TFPI: variants seen among roughly 807,000 people sequenced by gnomAD.
The protein encoded by TFPI is tissue factor pathway inhibitor.
Under a neutral mutation model 34.6 loss-of-function variants are expected in TFPI, and 15 were observed. That is an observed-to-expected ratio of 0.43 (90% CI 0.29 to 0.67). The LOEUF (loss-of-function observed/expected upper bound fraction) is 0.67, where lower values mean the gene tolerates loss of function less well. Ranked by LOEUF, TFPI falls within the 30% of genes least tolerant of loss-of-function variation. The pLI is 0.15. For synonymous variants in TFPI, 105 were observed against 120.1 expected (o/e 0.87, Z 0.82); for missense variants, 301 against 364.0 (o/e 0.83, Z 1.41).
intron 1 of TFPI, among the ~76,000 whole-genome samples, chr2:187,506,983 C>T (rs532934411): frequency 1.3e-5 from 2 of 152,184 alleles, no homozygotes; most frequent in Admixed American, 1.3e-4. Context: ...TAGGTATGCA[C>T]ATGGCATGTT....
chr2:187,551,148 T>A (rs1340088374), intron 1 of TFPI, among the ~76,000 whole-genome samples: 1 of 152,166 alleles, frequency 6.6e-6, no homozygotes, highest in African/African-American at 2.4e-5. Flanking sequence ...TAATAAGCAA[T>A]ATATAATATT....
At chr2:187,474,681 G>A (rs539993750) in intron 6 of TFPI, among the ~76,000 whole-genome samples, 13 of 152,246 alleles carry the variant, frequency 8.5e-5, no homozygotes, top group African/African-American at 2.9e-4. Context: ...TTGAATTTGG[G>A]CAGGTAGAGA....
rs370854031 is a variant in TFPI at position 187,478,621 on chromosome 2, A to C, written c.628+5503T>G. The stretch of plus-strand genomic sequence containing the variant: ...ATTAAAACTTTATTAGCAGTATGCT[A>C]TCAAAGGCATCACGTATACATATAA... On this transcript the variant is annotated intron_variant, in intron 6 of 7. Coordinates refer to ENST00000233156, the MANE Select transcript of TFPI (RefSeq NM_006287.6). The C allele has an allele frequency of 1.7e-4, 269 of 1,580,676 alleles. 3 individuals are homozygous for C. In the African/African-American group the frequency reaches 3.3e-3, roughly 20 times the overall value.
intron 1 of TFPI, among the ~76,000 whole-genome samples, chr2:187,504,018 T>G (rs1440896870): frequency 6.6e-6 from 1 of 152,106 alleles, no homozygotes; most frequent in Non-Finnish European, 1.5e-5. Context: ...TATTTCAACT[T>G]TGAAAATATA....
intron 1 of TFPI, among the ~76,000 whole-genome samples, chr2:187,539,085 AGT>A (rs10608725): frequency 0.96 from 144,585 of 150,268 alleles, 69,723 homozygotes; most frequent in South Asian, 0.99. Context: ...GCCTAAATAG[AGT>A]GTGTGTGTGT....
chr2:187,513,273 C>A (rs540436435), intron 1 of TFPI, among the ~76,000 whole-genome samples: 126 of 152,208 alleles, frequency 8.3e-4, no homozygotes, highest in African/African-American at 3.0e-3. Context: ...TTTCTTAAAT[C>A]ACTAACCTGC....
intron 1 of TFPI, chr2:187,516,628 C>T (rs2106187498): frequency 6.6e-6 from 1 of 152,182 alleles, no homozygotes; most frequent in East Asian, 1.9e-4. Flanking sequence ...AGGGAGGAGA[C>T]CACCTCTCAT....
intron 6 of TFPI, among the ~76,000 whole-genome samples, chr2:187,475,454 T>C (rs1692317028): frequency 6.6e-6 from 1 of 152,186 alleles, no homozygotes; most frequent in African/African-American, 2.4e-5. Flanking sequence ...CAAATAGTAC[T>C]CATTTTTTGA....
intron 1 of TFPI, among the ~76,000 whole-genome samples, chr2:187,536,291 A>G (rs953401426): frequency 3.3e-5 from 5 of 152,064 alleles, no homozygotes; most frequent in African/African-American, 1.2e-4. Flanking sequence ...AAAAAGAAAA[A>G]TTCAGGCCAA....
intron 6 of TFPI, among the ~76,000 whole-genome samples, chr2:187,482,806 G>T (rs752205267): frequency 3.3e-4 from 50 of 151,772 alleles, no homozygotes; most frequent in Non-Finnish European, 5.6e-4. Flanking sequence ...GGGGATGGGG[G>T]TCTGGGGAGG....
chr2:187,501,618 A>T (rs1685856810), intron 2 of TFPI, among the ~76,000 whole-genome samples: 1 of 152,006 alleles, frequency 6.6e-6, no homozygotes. Flanking sequence ...TACATTATTC[A>T]TTTACAGCTT....
chr2:187,496,773 G>A lies in TFPI; in HGVS notation c.319+108C>T, dbSNP rs1357752563. On this transcript the variant is annotated intron_variant, in intron 3 of 7. Coordinates refer to ENST00000233156, the MANE Select transcript of TFPI (RefSeq NM_006287.6). The stretch of plus-strand genomic sequence containing the variant: ...AAATGTGGAAATAAAAGATTCCTTG[G>A]AAATATTAAAACAGCATGAAATTAC... The A allele has an allele frequency of 3.0e-6, 3 of 999,004 alleles. No individual in the cohort carries two copies. The East Asian group carries it at 7.6e-5, about 25-fold the overall frequency. The allele number at this position is 999,004 out of a possible 1,614,324, so 61.9% of individuals were successfully genotyped here. A position where few individuals can be genotyped will look rare whatever the true frequency, so the allele number is the denominator to read the frequency against.
intron 3 of TFPI, among the ~76,000 whole-genome samples, chr2:187,494,279 C>G (rs1439836313): frequency 6.6e-6 from 1 of 150,636 alleles, no homozygotes; most frequent in Non-Finnish European, 1.5e-5. Flanking sequence ...GGTAGGGACA[C>G]AGAGTGAAAC....
At chr2:187,478,725 T>C (rs1456331203) in intron 6 of TFPI, 16 of 1,613,676 alleles carry the variant, frequency 9.9e-6, no homozygotes, top group Non-Finnish European at 1.4e-5. Flanking sequence ...CATGGATGCA[T>C]GAATGCAGAA....
intron 4 of TFPI, 65 bp downstream of exon 4, chr2:187,488,272 C>T (rs1340648539): frequency 2.9e-6 from 4 of 1,382,578 alleles, no homozygotes; most frequent in East Asian, 2.5e-5. Flanking sequence ...AGCAAACAAA[C>T]AAAAAATTGA....
At chr2:187,510,765 CTCAA>C (rs1471251181) in intron 1 of TFPI, among the ~76,000 whole-genome samples, 3 of 152,150 alleles carry the variant, frequency 2.0e-5, no homozygotes, top group African/African-American at 4.8e-5. Context: ...CCCCTGCTTG[CTCAA>C]TCAATCACGA....
chr2:187,497,133 T>G, intron 2 of TFPI, 55 bp from the exon 3 acceptor site: 1 of 1,451,038 alleles, frequency 6.9e-7, no homozygotes, highest in Non-Finnish European at 9.4e-7. Flanking sequence ...ACTGTAATAA[T>G]GTTCTTTATT....
intron 1 of TFPI, chr2:187,520,593 C>T (rs1344499665): frequency 6.6e-6 from 1 of 152,138 alleles, no homozygotes. Context: ...TCCTATTCGG[C>T]CATCTTGCCA....
At chr2:187,485,259 A>G (rs923657621) in intron 4 of TFPI, among the ~76,000 whole-genome samples, 6 of 151,866 alleles carry the variant, frequency 4.0e-5, no homozygotes, top group Non-Finnish European at 4.4e-5. Context: ...TTATTTTACC[A>G]TGTACCACTC....
Sources: allele counts gnomAD v4.1 joint callset (sites outside exome capture counted in the v4.1 genomes callset), GRCh38; gene constraint gnomAD v4.1.1; transcripts MANE v1.5; gene names NCBI Gene and HGNC (gene_info 2026-07-23, HGNC 2026-07-21).